AUTS2: variants seen among roughly 807,000 people sequenced by gnomAD.
AUTS2 encodes the protein autism susceptibility gene 2 protein.
AUTS2 carries 17 observed loss-of-function variants against 112.4 expected under a neutral mutation model. That is an observed-to-expected ratio of 0.15 (90% CI 0.10 to 0.23). The LOEUF (loss-of-function observed/expected upper bound fraction) is 0.23. Among genes scored for constraint, AUTS2 ranks in the 10% least tolerant of loss-of-function variants. The probability of loss-of-function intolerance (pLI) is 1.00; values close to 1 mark genes in which losing one functional copy is unlikely to be tolerated. For missense variants in AUTS2, 1,510 were observed against 1,701.6 expected (o/e 0.89, Z 1.98); for synonymous variants, 751 against 702.7 (o/e 1.07, Z -1.09).
intron 2 of AUTS2, among the ~76,000 whole-genome samples, chr7:70,020,339 G>T (rs1490509912): frequency 6.6e-6 from 1 of 152,040 alleles, no homozygotes; most frequent in Non-Finnish European, 1.5e-5. Flanking sequence ...CATCTCTTAA[G>T]ACCCACCTTC....
chr7:69,873,066 C>T (rs1301616806), intron 1 of AUTS2, among the ~76,000 whole-genome samples: 2 of 151,876 alleles, frequency 1.3e-5, no homozygotes, highest in African/African-American at 4.8e-5. Flanking sequence ...TGGTCTCGAA[C>T]TCCTGACCTC....
chr7:70,787,202 A>G lies in AUTS2; in HGVS notation c.2309-7A>G, dbSNP rs1241277251. On this transcript the variant is annotated splice_polypyrimidine_tract_variant and splice_region_variant and intron_variant, in intron 17 of 18. Transcript: ENST00000342771. ...AAACCTTTTTGTTCTCCACTTCACC[A>G]TTTCAGCACCCAACTCAATGTTCGG... 1.9e-6 allele frequency: 3 copies of G among 1,613,956 alleles called. No individual in the cohort carries two copies. The highest frequency in any genetic ancestry group is 1.3e-5 in the African/African-American group (1 of 74,934).
chr7:69,861,483 C>A (rs557000281), intron 1 of AUTS2, among the ~76,000 whole-genome samples: 1 of 152,156 alleles, frequency 6.6e-6, no homozygotes, highest in African/African-American at 2.4e-5. Context: ...TGAGCAGTGC[C>A]CCACTGCTTT....
chr7:69,649,363 A>G (rs1294755056), intron 1 of AUTS2, among the ~76,000 whole-genome samples: 1 of 151,926 alleles, frequency 6.6e-6, no homozygotes. Flanking sequence ...GTTCCAAACT[A>G]CCTCCTTTTG....
At chr7:69,619,158 A>G (rs968315384) in intron 1 of AUTS2, among the ~76,000 whole-genome samples, 1 of 152,128 alleles carries the variant, frequency 6.6e-6, no homozygotes, top group African/African-American at 2.4e-5. Flanking sequence ...TCTACTTTCA[A>G]GATTCTGGAG....
intron 6 of AUTS2, among the ~76,000 whole-genome samples, chr7:70,744,750 A>G (rs986578126): frequency 9.9e-5 from 15 of 152,146 alleles, no homozygotes; most frequent in African/African-American, 3.6e-4. Flanking sequence ...GTACAGTTGG[A>G]GGACCTGACT....
At chr7:69,847,546 TTCA>T (rs776399037) in intron 1 of AUTS2, among the ~76,000 whole-genome samples, 10 of 152,234 alleles carry the variant, frequency 6.6e-5, no homozygotes, top group Non-Finnish European at 1.3e-4. Context: ...CCTGGCCTTC[TTCA>T]TTATGTCCTG....
intron 4 of AUTS2, among the ~76,000 whole-genome samples, chr7:70,299,780 A>G (rs1455167853): frequency 6.6e-6 from 1 of 151,398 alleles, no homozygotes; most frequent in South Asian, 2.1e-4. Flanking sequence ...TAGAATCGGT[A>G]TGTCCCAGGT....
chr7:69,691,796 C>T lies in AUTS2; in HGVS notation c.309+91834C>T, dbSNP rs574343329. Among the ~76,000 whole-genome samples the T allele has an allele frequency of 1.7e-3, 265 of 152,200 alleles. 1 individual carries two copies. Among genetic ancestry groups the T allele is most frequent in the African/African-American group, 2.5e-3 (105 of 41,536 alleles). ...GTGCCTCCCCTGCTGCAGCATGGGC[C>T]GCTGCTGCCATCATCAGTGGGACCC... On this transcript the variant is annotated intron_variant, in intron 1 of 18. Coordinates refer to ENST00000342771, the MANE Select transcript of AUTS2 (RefSeq NM_015570.4).
chr7:70,248,697 A>T (rs1391088075), intron 4 of AUTS2, among the ~76,000 whole-genome samples: 1 of 151,494 alleles, frequency 6.6e-6, no homozygotes, highest in Non-Finnish European at 1.5e-5. Flanking sequence ...TTCTTCTGCA[A>T]TTTCAGAAAT....
At chr7:70,656,624 G>A (rs1200254834) in intron 5 of AUTS2, among the ~76,000 whole-genome samples, 1 of 152,204 alleles carries the variant, frequency 6.6e-6, no homozygotes, top group East Asian at 1.9e-4. Flanking sequence ...TAAGAGCTGA[G>A]GTGACTTGGC....
rs1554396465 is a variant in AUTS2 at position 69,876,349 on chromosome 7, A to AAAATAT, written c.310-22936_310-22935insAATATA. 4.1e-4 allele frequency among the ~76,000 whole-genome samples: 12 copies of AAAATAT among 29,490 alleles called. 1 individual carries two copies. The highest frequency in any genetic ancestry group is 7.3e-4 in the African/African-American group (5 of 6,824). The allele number at this position is 29,490 out of a possible 152,430, so 19.3% of individuals were successfully genotyped here. A position where few individuals can be genotyped will look rare whatever the true frequency, so the allele number is the denominator to read the frequency against. On this transcript the variant is annotated intron_variant, in intron 1 of 18. Transcript: ENST00000342771. ...TCAAAAAAAAAAAAAAAAAAAAAAA[A>AAAATAT]ATATATATATATATATATATATATA...
intron 2 of AUTS2, among the ~76,000 whole-genome samples, chr7:70,035,714 C>T (rs779382820): frequency 2.0e-5 from 3 of 152,112 alleles, no homozygotes; most frequent in African/African-American, 4.8e-5. Flanking sequence ...TTATTCTTCC[C>T]GGTTCCAAGA....
At chr7:70,667,522 GA>G (rs1404911768) in intron 5 of AUTS2, among the ~76,000 whole-genome samples, 2 of 152,316 alleles carry the variant, frequency 1.3e-5, no homozygotes, top group East Asian at 3.9e-4. Flanking sequence ...ATACTGGGAA[GA>G]AAATCCAAGT....
chr7:70,432,302 A>G (rs977972745), intron 4 of AUTS2, among the ~76,000 whole-genome samples: 1 of 152,188 alleles, frequency 6.6e-6, no homozygotes, highest in African/African-American at 2.4e-5. Flanking sequence ...AGGTGGCTCA[A>G]TGTGAACTCT....
intron 10 of AUTS2, among the ~76,000 whole-genome samples, chr7:70,769,690 A>ATAAT (rs945076364): frequency 6.7e-6 from 1 of 150,186 alleles, no homozygotes; most frequent in African/African-American, 2.5e-5. Flanking sequence ...ATTTCAAAAA[A>ATAAT]TAATAATAAT....
At chr7:70,103,532 A>G (rs997365271) in intron 2 of AUTS2, among the ~76,000 whole-genome samples, 4 of 152,170 alleles carry the variant, frequency 2.6e-5, no homozygotes, top group African/African-American at 2.4e-5. Flanking sequence ...TTCTTTGTAA[A>G]GGGGATACAT....
chr7:69,883,521 T>G (rs1794146860), intron 1 of AUTS2, among the ~76,000 whole-genome samples: 1 of 152,148 alleles, frequency 6.6e-6, no homozygotes, highest in African/African-American at 2.4e-5. Context: ...AAAACAGCTG[T>G]CATTTTGGAT....
chr7:69,865,104 T>A (rs1337098038), intron 1 of AUTS2, among the ~76,000 whole-genome samples: 29 of 115,952 alleles, frequency 2.5e-4, no homozygotes, highest in African/African-American at 9.9e-4. Context: ...GGATGGTAGG[T>A]TTTTTTTTTT....
Sources: gnomAD v4.1 joint callset for allele counts (sites outside exome capture counted in the v4.1 genomes callset) on GRCh38, gnomAD v4.1.1 for gene constraint, MANE v1.5 for transcripts, NCBI Gene and HGNC (gene_info 2026-07-23, HGNC 2026-07-21) for gene names.